The following AFF3 variants were observed in gnomAD, a reference collection of about 807,000 sequenced individuals.
AFF3 encodes AF4/FMR2 family member 3.
In AFF3, 32 loss-of-function variants were observed where a neutral mutation model predicts 129.7. The observed-to-expected ratio is 0.25, with a 90% CI of 0.19 to 0.33. AFF3 has a LOEUF of 0.33. AFF3 is among the 10% of genes least tolerant of loss of function. AFF3 has a pLI of 1.00. For missense variants in AFF3, 1,373 were observed against 1,592.0 expected, an observed-to-expected ratio of 0.86 and a Z score of 2.34; for synonymous variants, 644 against 635.4, an observed-to-expected ratio of 1.01 and a Z score of -0.20.
chr2:99,810,393 G>A (rs1686695291), intron 8 of AFF3, among the ~76,000 whole-genome samples: 1 of 152,224 alleles, frequency 6.6e-6, no homozygotes, highest in South Asian at 2.1e-4. Context: ...ACTGTGTCAG[G>A]CAGTCAACAA....
chr2:99,787,448 A>C (rs1684884995), intron 8 of AFF3, among the ~76,000 whole-genome samples: 1 of 152,150 alleles, frequency 6.6e-6, no homozygotes, highest in Admixed American at 6.5e-5. Context: ...GCTTTCTGAG[A>C]AAGCCTCACG....
intron 8 of AFF3, among the ~76,000 whole-genome samples, chr2:99,823,948 A>G (rs998888979): frequency 3.9e-5 from 6 of 152,142 alleles, no homozygotes; most frequent in Non-Finnish European, 8.8e-5. Context: ...GGGGACTACC[A>G]AACGGCAGGG....
chr2:99,889,624 G>T (rs1693388886), intron 7 of AFF3, among the ~76,000 whole-genome samples: 1 of 152,116 alleles, frequency 6.6e-6, no homozygotes. Flanking sequence ...TAAGTAGAGG[G>T]CCTTAGAAGA....
chr2:99,692,827 C>G (rs1375386680), intron 11 of AFF3, among the ~76,000 whole-genome samples: 3 of 152,230 alleles, frequency 2.0e-5, no homozygotes, highest in Admixed American at 6.5e-5. Context: ...AGGCACTAAC[C>G]TAATGCAGAA....
intron 8 of AFF3, among the ~76,000 whole-genome samples, chr2:99,769,010 C>A (rs759967346): frequency 6.6e-6 from 1 of 152,082 alleles, no homozygotes; most frequent in Non-Finnish European, 1.5e-5. Flanking sequence ...TGGTCTCTAA[C>A]CTTCTTGTCC....
At chr2:99,798,076 T>A (rs1685678669) in intron 8 of AFF3, among the ~76,000 whole-genome samples, 1 of 152,110 alleles carries the variant, frequency 6.6e-6, no homozygotes, top group East Asian at 1.9e-4. Flanking sequence ...TTGGAGTTGA[T>A]AACATATACA....
Position 99,554,749 on chromosome 2 carries a change from A to C in AFF3, c.3286-17T>G. The stretch of plus-strand genomic sequence containing the variant: ...AGATGAGTTCTGCAAGAAAATAAAA[A>C]CACTGACAGTGAGTGCCATCTGCGT... On this transcript the variant is annotated splice_polypyrimidine_tract_variant and intron_variant, in intron 22 of 24. Coordinates refer to ENST00000672756, the MANE Select transcript of AFF3 (RefSeq NM_001386135.1). 9.3e-6 allele frequency: 15 copies of C among 1,614,148 alleles called. No individual in the cohort carries two copies. Among genetic ancestry groups the C allele is most frequent in the Non-Finnish European group, 1.2e-5 (14 of 1,180,028 alleles).
chr2:99,665,259 G>C (rs10201444), intron 12 of AFF3, among the ~76,000 whole-genome samples: 2,755 of 152,354 alleles, frequency 0.018, 97 homozygotes, highest in African/African-American at 0.062. Context: ...GATCACTGTG[G>C]GGAGGCTGTA....
intron 4 of AFF3, among the ~76,000 whole-genome samples, chr2:100,041,665 C>T (rs1468318123): frequency 6.6e-6 from 1 of 152,156 alleles, no homozygotes; most frequent in Non-Finnish European, 1.5e-5. Flanking sequence ...AACTGGCATG[C>T]CCTACTCGGA....
At chr2:99,840,032 A>ATTTTTTTTTTTGTTTTTTTTATTT (rs1415280488) in intron 7 of AFF3, among the ~76,000 whole-genome samples, 1 of 152,132 alleles carries the variant, frequency 6.6e-6, no homozygotes, top group South Asian at 2.1e-4. Context: ...TTATTGTTTT[A>ATTTTTTTTTTTGTTTTTTTTATTT]TTATAGGAGT....
intron 7 of AFF3, among the ~76,000 whole-genome samples, chr2:99,884,851 T>C (rs558892533): frequency 1.2e-4 from 18 of 152,328 alleles, no homozygotes; most frequent in Non-Finnish European, 2.5e-4. Context: ...GGGTTCACCA[T>C]ATTCGCTTCT....
chr2:99,821,541 C>T (rs138148128), intron 8 of AFF3, among the ~76,000 whole-genome samples: 14 of 152,202 alleles, frequency 9.2e-5, no homozygotes, highest in African/African-American at 2.2e-4. Context: ...AAAAAGTTTA[C>T]GAATTTTTGT....
chr2:100,077,441 G>A lies in AFF3; in HGVS notation c.53+26961C>T, dbSNP rs183508463. Among the ~76,000 whole-genome samples the A allele has an allele frequency of 2.7e-3, 408 of 152,126 alleles. 1 individual carries two copies. The highest frequency in any genetic ancestry group is 0.01 in the Middle Eastern group (3 of 294). On this transcript the variant is annotated intron_variant, in intron 4 of 24. Transcript: ENST00000672756. ...GGAGCTCCTCTAGAAGCTGGAAATAGCAAGGAAACAGATTCTCCCCTAGAT... is the reference window on the plus strand; with the variant it reads ...GGAGCTCCTCTAGAAGCTGGAAATAACAAGGAAACAGATTCTCCCCTAGAT...
At chr2:100,031,963 A>G (rs1684528231) in intron 4 of AFF3, among the ~76,000 whole-genome samples, 1 of 152,250 alleles carries the variant, frequency 6.6e-6, no homozygotes, top group Non-Finnish European at 1.5e-5. Flanking sequence ...TCACAAACAT[A>G]ATATTGAGTG....
chr2:99,895,125 G>A (rs1396400686), intron 7 of AFF3, among the ~76,000 whole-genome samples: 1 of 152,178 alleles, frequency 6.6e-6, no homozygotes, highest in Non-Finnish European at 1.5e-5. Context: ...CACTGGGGTT[G>A]TTGACAGTTT....
In AFF3 at chr2:99,593,284, C is replaced by A. The variant is rs531189975; in HGVS notation, c.2377G>T (p.Ala793Ser). The change falls in exon 15 of 25, where the codon GCC becomes TCC. Residue 793 changes from alanine (A) to serine (S), a missense_variant. Coordinates refer to ENST00000672756, the MANE Select transcript of AFF3 (RefSeq NM_001386135.1). ...PQEPGVLSAP[A>S]TKDSESAPPS... ...GGTGCGCTCTCAGAGTCCTTGGTGG[C>A]AGGGGCGCTCAATACCCCTGGCTCC... 1.3e-5 allele frequency: 21 copies of A among 1,613,896 alleles called. No homozygotes were observed. Among genetic ancestry groups the A allele is most frequent in the Non-Finnish European group, 1.8e-5 (21 of 1,179,842 alleles).
rs1674358901 is a variant in AFF3, at chr2:99,550,904, G to T, written c.*570C>A. On this transcript the variant is annotated 3_prime_UTR_variant, in exon 25 of 25. Coordinates refer to ENST00000672756, the MANE Select transcript of AFF3 (RefSeq NM_001386135.1). ...TAAACTTCCGGCACAAAAATACCTG[G>T]CTTATTTTCATTATTCAATTACCCA... The T allele has an allele frequency of 3.8e-6, 1 of 262,736 alleles. No homozygotes were observed. The highest frequency in any genetic ancestry group is 5.4e-5 in the Admixed American group (1 of 18,586). The allele number at this position is 262,736 out of a possible 1,614,324, so 16.3% of individuals were successfully genotyped here. A position where few individuals can be genotyped will look rare whatever the true frequency, so the allele number is the denominator to read the frequency against.
chr2:100,130,575 T>C (rs1430690853), intron 1 of AFF3, among the ~76,000 whole-genome samples: 1 of 152,226 alleles, frequency 6.6e-6, no homozygotes, highest in Non-Finnish European at 1.5e-5. Context: ...CCAAATCTTA[T>C]AGCAGTGCGT....
intron 8 of AFF3, among the ~76,000 whole-genome samples, chr2:99,789,062 T>C (rs1685009964): frequency 6.6e-6 from 1 of 152,210 alleles, no homozygotes; most frequent in South Asian, 2.1e-4. Context: ...TAACGACACA[T>C]TTCTCAGAAC....
Sources: gnomAD v4.1 joint callset for allele counts (sites outside exome capture counted in the v4.1 genomes callset) on GRCh38, gnomAD v4.1.1 for gene constraint, MANE v1.5 for transcripts, NCBI Gene and HGNC (gene_info 2026-07-23, HGNC 2026-07-21) for gene names.